The following ANKRD31 variants were observed in gnomAD, a reference collection of about 807,000 sequenced individuals.
ANKRD31 encodes the protein ankyrin repeat domain-containing protein 31.
A neutral mutation model predicts 186.0 loss-of-function variants in ANKRD31; 147 were observed. That is an observed-to-expected ratio of 0.79 (90% CI 0.69 to 0.91). The LOEUF is 0.91. ANKRD31 is among the 40% of genes least tolerant of loss of function. ANKRD31 has a pLI of 0.00. For synonymous variants in ANKRD31, 673 were observed against 736.4 expected, an observed-to-expected ratio of 0.91 and a Z score of 1.39; for missense variants, 1,986 against 2,148.8, an observed-to-expected ratio of 0.92 and a Z score of 1.50.
intron 11 of ANKRD31, among the ~76,000 whole-genome samples, chr5:75,164,593 C>T (rs1465583249): frequency 2.6e-5 from 4 of 152,156 alleles, no homozygotes; most frequent in African/African-American, 9.7e-5. Context: ...GTATTAGTTA[C>T]TGCCAAAGTA....
intron 10 of ANKRD31, among the ~76,000 whole-genome samples, chr5:75,175,232 C>T (rs189756519): frequency 7.4e-4 from 113 of 152,024 alleles, no homozygotes; most frequent in East Asian, 1.4e-3. Flanking sequence ...CCTGTCGGGT[C>T]GGGCAGTTGC....
rs571457466 is a variant in ANKRD31 at position 75,167,766 on chromosome 5, G to C, written c.1707+1213C>G. ...ATGGATTAGAGCCAAGTTCGAAGTG[G>C]GGCAAAGGAACAAATAGGAAAGAAA... On this transcript the variant is annotated intron_variant, in intron 11 of 25. Transcript: ENST00000506364. Among the ~76,000 whole-genome samples the C allele has an allele frequency of 2.0e-5, 3 of 152,244 alleles. No homozygotes were observed. In the East Asian group the frequency reaches 5.8e-4, roughly 29 times the overall value.
At chr5:75,125,636 C>T (rs1267047571) in intron 17 of ANKRD31, among the ~76,000 whole-genome samples, 1 of 152,142 alleles carries the variant, frequency 6.6e-6, no homozygotes, top group Non-Finnish European at 1.5e-5. Context: ...TAGGCCTCGA[C>T]TTTAATATAC....
chr5:75,231,378 G>A (rs1383672104), intron 1 of ANKRD31, among the ~76,000 whole-genome samples: 5 of 151,872 alleles, frequency 3.3e-5, no homozygotes, highest in Non-Finnish European at 7.4e-5. Context: ...ACCTGGCCCA[G>A]AATTCCTTTA....
chr5:75,217,958 T>C (rs1433905398), intron 3 of ANKRD31, among the ~76,000 whole-genome samples: 3 of 152,112 alleles, frequency 2.0e-5, no homozygotes, highest in Non-Finnish European at 4.4e-5. Flanking sequence ...CTGGTGGTAA[T>C]GAATTCCCTG....
chr5:75,215,713 GA>G (rs1756920423), intron 3 of ANKRD31, among the ~76,000 whole-genome samples: 1 of 151,704 alleles, frequency 6.6e-6, no homozygotes, highest in Non-Finnish European at 1.5e-5. Context: ...CTTTAAAGTT[GA>G]AATATCAATA....
chr5:75,145,634 T>C (rs1398993817), intron 14 of ANKRD31, among the ~76,000 whole-genome samples: 1 of 151,982 alleles, frequency 6.6e-6, no homozygotes, highest in Non-Finnish European at 1.5e-5. Flanking sequence ...CTAAGGTAGA[T>C]GATGGGTTGA....
intron 17 of ANKRD31, among the ~76,000 whole-genome samples, chr5:75,127,124 G>T (rs942074214): frequency 6.6e-6 from 1 of 150,650 alleles, no homozygotes; most frequent in Non-Finnish European, 1.5e-5. Context: ...GGTAGAGGTT[G>T]CAGGAAGCAG....
chr5:75,178,950 T>C (rs1042376533), intron 10 of ANKRD31, among the ~76,000 whole-genome samples: 3 of 152,038 alleles, frequency 2.0e-5, no homozygotes, highest in Non-Finnish European at 4.4e-5. Context: ...CAGGAGCTGG[T>C]TTTTTGAAAA....
At chr5:75,206,216 CAAAAAAAA>C (rs1191388849) in intron 5 of ANKRD31, among the ~76,000 whole-genome samples, 187 bp downstream of exon 5, 8 of 14,902 alleles carry the variant, frequency 5.4e-4, no homozygotes, top group African/African-American at 1.5e-3. Context: ...ACATCTCTAC[CAAAAAAAA>C]AAAAAAAAAA....
chr5:75,080,281 C>T (rs1454982385), intron 25 of ANKRD31, among the ~76,000 whole-genome samples: 2 of 152,120 alleles, frequency 1.3e-5, no homozygotes, highest in African/African-American at 4.8e-5. Flanking sequence ...AAATCACGTT[C>T]ATGCTTTCAT....
At position 75,104,298 on chromosome 5, in the gene ANKRD31, A is replaced by C; in HGVS notation, c.5261T>G (p.Ile1754Ser). 6.5e-7 allele frequency: 1 copy of C among 1,536,086 alleles called. No individual in the cohort carries two copies. Among genetic ancestry groups the C allele is most frequent in the African/African-American group, 1.4e-5 (1 of 73,098 alleles). ...TAGTAATATCAAATCTTTTATCTGA[A>C]TACATTTCTTTTTAGGAGCTGTACT... ...NYSTAPKKKC[I>S]QIKDLILLGR... Residue 1754 changes from isoleucine (I) to serine (S), a missense_variant, in exon 22 of 26, where the codon ATT becomes AGT. Transcript: ENST00000506364.
chr5:75,136,489 G>A (rs1580408457), intron 17 of ANKRD31, among the ~76,000 whole-genome samples: 1 of 152,280 alleles, frequency 6.6e-6, no homozygotes, highest in East Asian at 1.9e-4. Flanking sequence ...AGTTAAAATG[G>A]CCATCATTAA....
At chr5:75,198,464 G>A (rs1420329540) in intron 6 of ANKRD31, among the ~76,000 whole-genome samples, 1 of 152,164 alleles carries the variant, frequency 6.6e-6, no homozygotes, top group Non-Finnish European at 1.5e-5. Flanking sequence ...ATACTTGGTT[G>A]AGCAAAGTTA....
intron 10 of ANKRD31, among the ~76,000 whole-genome samples, chr5:75,178,569 G>C (rs1411083239): frequency 6.6e-6 from 1 of 152,102 alleles, no homozygotes; most frequent in Admixed American, 6.6e-5. Flanking sequence ...TAGAACTCAG[G>C]ATTAAGAAAC....
intron 25 of ANKRD31, among the ~76,000 whole-genome samples, chr5:75,069,945 G>A (rs1744085545): frequency 6.6e-6 from 1 of 152,174 alleles, no homozygotes; most frequent in Non-Finnish European, 1.5e-5. Context: ...ATGAGGAAAT[G>A]GAGCTGAGAA....
intron 3 of ANKRD31, among the ~76,000 whole-genome samples, chr5:75,221,077 A>C (rs529687195): frequency 6.6e-6 from 1 of 152,340 alleles, no homozygotes; most frequent in South Asian, 2.1e-4. Flanking sequence ...CAGAAACAGA[A>C]AACCAAATAA....
chr5:75,091,369 A>G lies in ANKRD31; in HGVS notation c.5364T>C (p.Asn1788=). 6.5e-7 allele frequency: 1 copy of G among 1,536,948 alleles called. No individual in the cohort carries two copies. The highest frequency in any genetic ancestry group is 1.4e-5 in the African/African-American group (1 of 73,132). The change falls in exon 23 of 26, where the codon AAT becomes AAC. Residue 1788 remains asparagine (N), a synonymous_variant. Transcript: ENST00000506364. ...GACCACTTTCTACCTTAAGTTTACC[A>G]TTCAATAAAATACTGGCTTTGTGGG... ...ETTHKASILL[N]GKLKVESGQI...
chr5:75,216,766 T>C (rs1292581899), intron 3 of ANKRD31, among the ~76,000 whole-genome samples: 1 of 152,098 alleles, frequency 6.6e-6, no homozygotes, highest in Non-Finnish European at 1.5e-5. Flanking sequence ...AACTTACTTA[T>C]GCCAAGGTGC....
Sources: gnomAD v4.1 joint callset for allele counts (sites outside exome capture counted in the v4.1 genomes callset) on GRCh38, gnomAD v4.1.1 for gene constraint, MANE v1.5 for transcripts, NCBI Gene and HGNC (gene_info 2026-07-23, HGNC 2026-07-21) for gene names.